The following ARHGAP23 variants were observed in gnomAD, a reference collection of about 807,000 sequenced individuals.
ARHGAP23 encodes the protein rho GTPase-activating protein 23.
In ARHGAP23, 34 loss-of-function variants were observed where a neutral mutation model predicts 136.3. The observed-to-expected ratio is 0.25, with a 90% CI of 0.19 to 0.33. The LOEUF is 0.33. Among genes scored for constraint, ARHGAP23 ranks in the 10% least tolerant of loss-of-function variants. The pLI is 1.00. For synonymous variants in ARHGAP23, 832 were observed against 920.5 expected, an observed-to-expected ratio of 0.90 and a Z score of 1.74; for missense variants, 1,808 against 2,139.0, an observed-to-expected ratio of 0.85 and a Z score of 3.05.
At chr17:38,497,907 G>A (rs1449083889) in intron 21 of ARHGAP23, 81 bp downstream of exon 21, 7 of 1,430,044 alleles carry the variant, frequency 4.9e-6, no homozygotes, top group Non-Finnish European at 6.7e-6. Context: ...CAGGCAGCGG[G>A]ACTTAAGCCG....
intron 20 of ARHGAP23, among the ~76,000 whole-genome samples, chr17:38,494,418 G>T (rs564231981): frequency 4.9e-4 from 74 of 152,150 alleles, no homozygotes; most frequent in Non-Finnish European, 1.0e-3. Flanking sequence ...AGGTGAATGG[G>T]AGCCTGCTCA....
chr17:38,459,801 T>A (rs1026284004), intron 2 of ARHGAP23, among the ~76,000 whole-genome samples: 1 of 152,208 alleles, frequency 6.6e-6, no homozygotes, highest in African/African-American at 2.4e-5. Flanking sequence ...AATGCATCTG[T>A]CTGCCTCTGC....
At chr17:38,438,978 C>G (rs532570771) in intron 1 of ARHGAP23, among the ~76,000 whole-genome samples, 1 of 151,704 alleles carries the variant, frequency 6.6e-6, no homozygotes, top group Non-Finnish European at 1.5e-5. Flanking sequence ...GAGCGAAACT[C>G]CATCTCAAAA....
rs141412031 is a variant in ARHGAP23 at position 38,456,257 on chromosome 17, T to G, written c.64-1845T>G. On this transcript the variant is annotated intron_variant, in intron 1 of 23. Coordinates refer to ENST00000622683, the MANE Select transcript of ARHGAP23 (RefSeq NM_001199417.2). ...GACCTGCTCGACAGCAGCCAGGCTC[T>G]CCCCCATGCGGAAATCCTTAGCAGA... Among the ~76,000 whole-genome samples, 188 of 152,226 alleles carry G rather than the reference T, an allele frequency of 1.2e-3. 2 individuals are homozygous for G. The highest frequency in any genetic ancestry group is 4.3e-3 in the African/African-American group (180 of 41,542).
At chr17:38,435,979 G>A (rs2038787746) in intron 1 of ARHGAP23, among the ~76,000 whole-genome samples, 1 of 152,166 alleles carries the variant, frequency 6.6e-6, no homozygotes. Context: ...GTGGAGGAGG[G>A]GGCGGAGGCC....
At chr17:38,465,654 C>T (rs2039572000) in intron 6 of ARHGAP23, among the ~76,000 whole-genome samples, 1 of 152,218 alleles carries the variant, frequency 6.6e-6, no homozygotes, top group African/African-American at 2.4e-5. Flanking sequence ...TCCTTCTCAC[C>T]CCTGTGGCTC....
At chr17:38,478,663 C>T (rs528625315) in intron 12 of ARHGAP23, among the ~76,000 whole-genome samples, 1 of 152,264 alleles carries the variant, frequency 6.6e-6, no homozygotes, top group East Asian at 1.9e-4. Context: ...CCCGCCTCAG[C>T]CTCCCAAAGT....
intron 6 of ARHGAP23, among the ~76,000 whole-genome samples, chr17:38,464,102 C>G (rs545924266): frequency 7.2e-5 from 11 of 152,340 alleles, no homozygotes; most frequent in Admixed American, 4.6e-4. Context: ...ACTATCACAA[C>G]ATGTATGCTC....
intron 21 of ARHGAP23, among the ~76,000 whole-genome samples, chr17:38,498,043 G>C (rs2040431622): frequency 6.6e-6 from 1 of 151,424 alleles, no homozygotes; most frequent in Non-Finnish European, 1.5e-5. Flanking sequence ...GTCGAAATGG[G>C]GGAGATATAG....
chr17:38,468,964 C>T (rs1337035358), intron 7 of ARHGAP23, among the ~76,000 whole-genome samples, 180 bp from the exon 8 acceptor site: 3 of 152,148 alleles, frequency 2.0e-5, no homozygotes, highest in Admixed American at 1.3e-4. Context: ...GGTAAGGATT[C>T]CATGGCCACA....
chr17:38,456,346 T>C (rs1216754252), intron 1 of ARHGAP23, among the ~76,000 whole-genome samples: 2 of 152,170 alleles, frequency 1.3e-5, no homozygotes, highest in African/African-American at 4.8e-5. Flanking sequence ...AATGAACTTA[T>C]TGGCATCAGG....
chr17:38,434,560 G>A (rs1380583592), intron 1 of ARHGAP23, among the ~76,000 whole-genome samples: 1 of 152,246 alleles, frequency 6.6e-6, no homozygotes, highest in Non-Finnish European at 1.5e-5. Flanking sequence ...GGCCTCTTGG[G>A]GTGTGGAGGT....
In ARHGAP23 at chr17:38,510,476, G is replaced by C. The variant is rs946320266; in HGVS notation, c.3980G>C (p.Arg1327Pro). The C allele has an allele frequency of 9.2e-6, 11 of 1,192,640 alleles. No homozygotes were observed. Among genetic ancestry groups the C allele is most frequent in the Non-Finnish European group, 1.0e-5 (10 of 963,850 alleles). 73.9% of individuals were successfully genotyped at this position (1,192,640 alleles called of 1,614,324 possible). A position where few individuals can be genotyped will look rare whatever the true frequency, so the allele number is the denominator to read the frequency against. The change falls in exon 24 of 24, where the codon CGC (arginine) becomes CCC (proline). Residue 1327 changes from arginine (R) to proline (P), a missense_variant. Arg to Pro is a moderately radical substitution (Grantham distance 103, BLOSUM62 -2). Around this residue, in one of 7 missense-constraint regions of ARHGAP23, gnomAD observed 506 missense variants for 455.8 expected, o/e 1.11. Transcript: ENST00000622683. This position sits in a 1 kb window ranked among gnomAD's most constrained non-coding sequence, Gnocchi z 4.6. The stretch of plus-strand genomic sequence containing the variant: ...GCGCGCCGCCGCCTGGCCCGGGGCC[G>C]CCCAGACGGCGAGGGCGCGGGCCGG... The part of the protein sequence containing the change: ...TLARRRLARG[R>P]PDGEGAGRGG...
intron 23 of ARHGAP23, among the ~76,000 whole-genome samples, chr17:38,506,613 C>T (rs145413286): frequency 6.6e-6 from 1 of 152,164 alleles, no homozygotes; most frequent in Non-Finnish European, 1.5e-5. Context: ...GCCACCTTCT[C>T]ACACTGTGTC....
chr17:38,507,276 A>AAATAATAATAATAATAATAAT (rs56830471), intron 23 of ARHGAP23, among the ~76,000 whole-genome samples: 2,529 of 136,618 alleles, frequency 0.019, 43 homozygotes, highest in East Asian at 0.042. Flanking sequence ...CTCCGTCTCA[A>AAATAATAATAATAATAATAAT]AATAATAATA....
chr17:38,503,884 G>A (rs1355972487), intron 23 of ARHGAP23, among the ~76,000 whole-genome samples: 1 of 152,236 alleles, frequency 6.6e-6, no homozygotes, highest in African/African-American at 2.4e-5. Context: ...GATGAAAGAG[G>A]AGGGAATGCA....
rs757390565 is a variant in ARHGAP23 at position 38,466,646 on chromosome 17, G to A, written c.963G>A (p.Glu321=). The A allele has an allele frequency of 1.3e-6, 2 of 1,518,110 alleles. No individual in the cohort carries two copies. Among genetic ancestry groups the A allele is most frequent in the Non-Finnish European group, 1.8e-6 (2 of 1,136,482 alleles). The allele number at this position is 1,518,110 out of a possible 1,614,324, so 94.0% of individuals were successfully genotyped here. Residue 321 remains glutamate, a synonymous_variant, in exon 7 of 24, where the codon GAG becomes GAA. Coordinates refer to ENST00000622683, the MANE Select transcript of ARHGAP23 (RefSeq NM_001199417.2). ...RARSASQDRL[E]EVAAPRPWPC... ...GCAGCGCCTCCCAGGACCGGTTGGAGGAGGTGGCTGCCCCCCGCCCGTGGC... is the reference window on the plus strand; with the variant it reads ...GCAGCGCCTCCCAGGACCGGTTGGAAGAGGTGGCTGCCCCCCGCCCGTGGC...
At chr17:38,422,013 C>T (rs1423602295) in intron 1 of ARHGAP23, among the ~76,000 whole-genome samples, 2 of 152,170 alleles carry the variant, frequency 1.3e-5, no homozygotes, top group Non-Finnish European at 2.9e-5. Flanking sequence ...TGGGCAGGGG[C>T]TGGGAGCCTG....
chr17:38,510,743 A>C lies in ARHGAP23; in HGVS notation c.4247A>C (p.Asp1416Ala). ...GTGGTGGTGCAGAGCCCGCTGACTG[A>C]CCTCAACTTCAACGAGTGGAAGGAG... ...HTVVVQSPLT[D>A]LNFNEWKELG... The change falls in exon 24 of 24, where the codon GAC becomes GCC. Residue 1416 changes from aspartate (D) to alanine (A), a missense_variant. Around this residue, in one of 7 missense-constraint regions of ARHGAP23, gnomAD observed 506 missense variants for 455.8 expected, o/e 1.11. Coordinates refer to ENST00000622683, the MANE Select transcript of ARHGAP23 (RefSeq NM_001199417.2). The surrounding 1 kb of genome is among the most constrained non-coding windows in gnomAD (Gnocchi z 4.6). 6.7e-7 allele frequency: 1 copy of C among 1,482,268 alleles called. No individual in the cohort carries two copies. The highest frequency in any genetic ancestry group is 1.3e-5 in the South Asian group (1 of 77,308). The allele number at this position is 1,482,268 out of a possible 1,614,324, so 91.8% of individuals were successfully genotyped here.
Sources: allele counts gnomAD v4.1 joint callset (sites outside exome capture counted in the v4.1 genomes callset), GRCh38; gene constraint gnomAD v4.1.1; regional missense constraint gnomAD v4.1.1; non-coding constraint Gnocchi (gnomAD v3.1); transcripts MANE v1.5; gene names NCBI Gene and HGNC (gene_info 2026-07-23, HGNC 2026-07-21).